The following PPP2R2C variants were observed in gnomAD, a reference collection of about 807,000 sequenced individuals.
PPP2R2C encodes protein phosphatase 2 regulatory subunit Bgamma, also known as protein phosphatase 2, regulatory subunit B, gamma.
Under a neutral mutation model 45.3 loss-of-function variants are expected in PPP2R2C, and 10 were observed. The ratio of observed to expected loss-of-function variants is 0.22; its 90% confidence interval spans 0.14 to 0.37. The LOEUF (loss-of-function observed/expected upper bound fraction) is 0.37. Among genes scored for constraint, PPP2R2C ranks in the 10% least tolerant of loss-of-function variants. The pLI is 1.00. For missense variants in PPP2R2C, 308 were observed against 619.7 expected, an observed-to-expected ratio of 0.50 and a Z score of 5.34; for synonymous variants, 257 against 245.4, an observed-to-expected ratio of 1.05 and a Z score of -0.44.
intron 3 of PPP2R2C, among the ~76,000 whole-genome samples, chr4:6,376,348 A>G (rs1715300138): frequency 6.6e-6 from 1 of 152,152 alleles, no homozygotes; most frequent in Admixed American, 6.5e-5. Context: ...GGAAAGAGTG[A>G]AGCCAGGATT....
chr4:6,343,344 C>A (rs1479754722), intron 6 of PPP2R2C, among the ~76,000 whole-genome samples: 3 of 152,130 alleles, frequency 2.0e-5, no homozygotes, highest in African/African-American at 7.2e-5. Flanking sequence ...GAGAAAGTTT[C>A]CGTACAGGAT....
intron 1 of PPP2R2C, chr4:6,384,392 C>G: frequency 2.0e-6 from 2 of 985,266 alleles, no homozygotes; most frequent in Non-Finnish European, 2.4e-6. Flanking sequence ...AAAATGTGAA[C>G]GGAGGTAGCT....
intron 1 of PPP2R2C, among the ~76,000 whole-genome samples, chr4:6,537,290 C>T (rs961604286): frequency 6.6e-5 from 10 of 152,048 alleles, no homozygotes; most frequent in Non-Finnish European, 1.2e-4. Flanking sequence ...CACATAAATG[C>T]TCATCAGTGC....
chr4:6,383,207 G>T, intron 1 of PPP2R2C: 5 of 1,191,426 alleles, frequency 4.2e-6, no homozygotes, highest in Non-Finnish European at 4.2e-6. Flanking sequence ...GGCCCCTGAG[G>T]GGGAGGAGGA....
intron 5 of PPP2R2C, chr4:6,351,402 A>G: frequency 2.0e-6 from 2 of 983,642 alleles, no homozygotes; most frequent in Non-Finnish European, 1.2e-6. Flanking sequence ...CACCCGAGCC[A>G]CGGCAACCCA....
At chr4:6,538,772 C>G (rs1002642089) in intron 1 of PPP2R2C, among the ~76,000 whole-genome samples, 1 of 152,224 alleles carries the variant, frequency 6.6e-6, no homozygotes, top group East Asian at 1.9e-4. Flanking sequence ...ACAAAGGCAG[C>G]AGACGCGTGG....
intron 1 of PPP2R2C, among the ~76,000 whole-genome samples, chr4:6,393,268 T>C (rs1166119069): frequency 6.6e-6 from 1 of 152,020 alleles, no homozygotes; most frequent in Non-Finnish European, 1.5e-5. Flanking sequence ...CCCCCGGAAA[T>C]CACTGATCTA....
upstream of PPP2R2C, among the ~76,000 whole-genome samples, chr4:6,476,805 T>C (rs1456526952): frequency 6.6e-6 from 1 of 152,242 alleles, no homozygotes; most frequent in East Asian, 1.9e-4. Context: ...GTTATTTATA[T>C]ATATGTAACT....
intron 5 of PPP2R2C, among the ~76,000 whole-genome samples, chr4:6,357,383 T>C (rs1027552556): frequency 6.6e-6 from 1 of 152,216 alleles, no homozygotes; most frequent in Non-Finnish European, 1.5e-5. Context: ...AAGTGTTTTC[T>C]GCAAAGAGTC....
chr4:6,451,405 G>A (rs1373814630), intron 1 of PPP2R2C, among the ~76,000 whole-genome samples: 1 of 152,160 alleles, frequency 6.6e-6, no homozygotes, highest in South Asian at 2.1e-4. Flanking sequence ...ACAAAATCCA[G>A]TTTCTTATTG....
chr4:6,534,151 TACACACACCAACAC>T (rs573521371), intron 2 of PPP2R2C, among the ~76,000 whole-genome samples: 343 of 132,442 alleles, frequency 2.6e-3, no homozygotes, highest in Middle Eastern at 0.025. Context: ...CACACCAACA[TACACACACCAACAC>T]ACACACATCA....
chr4:6,435,504 C>T (rs190000458), intron 1 of PPP2R2C, among the ~76,000 whole-genome samples: 38 of 152,266 alleles, frequency 2.5e-4, no homozygotes, highest in Non-Finnish European at 8.8e-5. Context: ...TGTTTTCTTG[C>T]GCATATTTTT....
chr4:6,410,827 T>A (rs1718121165), intron 1 of PPP2R2C, among the ~76,000 whole-genome samples: 2 of 151,390 alleles, frequency 1.3e-5, no homozygotes, highest in Admixed American at 6.6e-5. Flanking sequence ...GAGTAGGGAC[T>A]ACTATTCCCC....
chr4:6,464,937 G>T (rs1005617458), intron 1 of PPP2R2C, among the ~76,000 whole-genome samples: 20 of 149,680 alleles, frequency 1.3e-4, no homozygotes, highest in African/African-American at 4.9e-4. Context: ...GGGAGGGAAG[G>T]GAGGGAACTA....
intron 2 of PPP2R2C, among the ~76,000 whole-genome samples, chr4:6,518,384 T>C (rs1723896708): frequency 6.6e-6 from 1 of 151,990 alleles, no homozygotes; most frequent in Admixed American, 6.6e-5. Context: ...AAAAGATCGA[T>C]AAAATTAATA....
intron 4 of PPP2R2C, among the ~76,000 whole-genome samples, chr4:6,375,159 C>T (rs1251606225): frequency 6.6e-6 from 1 of 152,188 alleles, no homozygotes; most frequent in East Asian, 1.9e-4. Flanking sequence ...ACCCTCATTA[C>T]TCAACATCGA....
intron 2 of PPP2R2C, among the ~76,000 whole-genome samples, chr4:6,503,919 A>G (rs1460030163): frequency 6.6e-6 from 1 of 152,174 alleles, no homozygotes; most frequent in Non-Finnish European, 1.5e-5. Flanking sequence ...TATAAAAAGT[A>G]ACCACCTAAG....
chr4:6,531,555 G>A (rs1347716938), intron 2 of PPP2R2C, among the ~76,000 whole-genome samples: 18 of 92,202 alleles, frequency 2.0e-4, no homozygotes, highest in African/African-American at 7.6e-4. Flanking sequence ...TTTCTTTCCC[G>A]TTTTCCTTTT....
rs539729119 is a variant in PPP2R2C at position 6,543,870 on chromosome 4, A to C, written c.-58-8493T>G. Among the ~76,000 whole-genome samples the C allele has an allele frequency of 2.2e-4, 34 of 152,290 alleles. No homozygotes were observed. In the East Asian group the frequency reaches 6.4e-3, roughly 29 times the overall value. ...AGTACTGGGGGTGGTAAAGCCGAGC[A>C]TGTTTCTTTTACGTGGGTCTGCTCT... On this transcript the variant is annotated intron_variant, in intron 1 of 9. Coordinates refer to the PPP2R2C transcript ENST00000506140.
Sources: allele counts gnomAD v4.1 joint callset (sites outside exome capture counted in the v4.1 genomes callset), GRCh38; gene constraint gnomAD v4.1.1; transcripts MANE v1.5; gene names NCBI Gene and HGNC (gene_info 2026-07-23, HGNC 2026-07-21).